The following SLC24A3 variants were observed in gnomAD, a reference collection of about 807,000 sequenced individuals.
SLC24A3 encodes sodium/potassium/calcium exchanger 3.
Under a neutral mutation model 75.8 loss-of-function variants are expected in SLC24A3, and 28 were observed. The ratio of observed to expected loss-of-function variants is 0.37; its 90% CI spans 0.27 to 0.51. The LOEUF (loss-of-function observed/expected upper bound fraction) is 0.51, where lower values mean the gene tolerates loss of function less well. Among genes scored for constraint, SLC24A3 ranks in the 20% least tolerant of loss-of-function variants. The probability of loss-of-function intolerance (pLI) is 0.94; values close to 1 mark genes in which losing one functional copy is unlikely to be tolerated. For missense variants in SLC24A3, 663 were observed against 847.8 expected (o/e 0.78, Z 2.71); for synonymous variants, 372 against 334.1 (o/e 1.11, Z -1.24).
chr20:19,699,574 T>A (rs1347998824), intron 15 of SLC24A3, among the ~76,000 whole-genome samples: 1 of 152,224 alleles, frequency 6.6e-6, no homozygotes, highest in East Asian at 1.9e-4. Context: ...GGGAATTATT[T>A]TGGGCATCCT....
intron 2 of SLC24A3, among the ~76,000 whole-genome samples, chr20:19,309,503 C>A (rs6075496): frequency 6.6e-6 from 1 of 152,194 alleles, no homozygotes; most frequent in South Asian, 2.1e-4. Context: ...CCACCCAAAC[C>A]TACCAGACCT....
At chr20:19,570,184 A>G (rs2122620952) in intron 3 of SLC24A3, among the ~76,000 whole-genome samples, 1 of 152,242 alleles carries the variant, frequency 6.6e-6, no homozygotes, top group Non-Finnish European at 1.5e-5. Flanking sequence ...GCACATCTTC[A>G]CATGGCCAGG....
chr20:19,375,628 ATGT>A (rs1986071503), intron 2 of SLC24A3, among the ~76,000 whole-genome samples: 1 of 152,172 alleles, frequency 6.6e-6, no homozygotes, highest in Admixed American at 6.5e-5. Flanking sequence ...TCCATGACAG[ATGT>A]TGTAAATCTT....
intron 6 of SLC24A3, among the ~76,000 whole-genome samples, chr20:19,624,921 T>C (rs1423974156): frequency 6.6e-6 from 1 of 152,180 alleles, no homozygotes; most frequent in Non-Finnish European, 1.5e-5. Context: ...TAGCTCATAA[T>C]TTTTCGGGTC....
intron 3 of SLC24A3, among the ~76,000 whole-genome samples, chr20:19,517,778 C>T (rs1447910521): frequency 6.6e-6 from 1 of 152,208 alleles, no homozygotes; most frequent in East Asian, 1.9e-4. Flanking sequence ...CTCCCTGGCT[C>T]CTCTTCTTGT....
At chr20:19,578,768 T>A (rs2031177811) in intron 3 of SLC24A3, among the ~76,000 whole-genome samples, 1 of 152,108 alleles carries the variant, frequency 6.6e-6, no homozygotes, top group African/African-American at 2.4e-5. Flanking sequence ...AACAGAGACA[T>A]TCTAAATCAA....
intron 2 of SLC24A3, among the ~76,000 whole-genome samples, chr20:19,328,379 T>C (rs1393809230): frequency 6.6e-6 from 1 of 152,006 alleles, no homozygotes; most frequent in African/African-American, 2.4e-5. Context: ...ACCAGAATGT[T>C]GGATTGATAA....
chr20:19,296,558 A>C (rs554522781), intron 2 of SLC24A3, among the ~76,000 whole-genome samples: 2 of 152,258 alleles, frequency 1.3e-5, no homozygotes, highest in Admixed American at 6.5e-5. Context: ...AACTGTCCTA[A>C]ATACATATGC....
chr20:19,219,238 C>T (rs548343213), intron 1 of SLC24A3, among the ~76,000 whole-genome samples: 5 of 152,190 alleles, frequency 3.3e-5, no homozygotes, highest in South Asian at 2.1e-4. Flanking sequence ...TTGCTAGTCC[C>T]GGACGGCCCA....
intron 9 of SLC24A3, among the ~76,000 whole-genome samples, chr20:19,675,217 C>T (rs986774248): frequency 2.0e-5 from 3 of 152,150 alleles, no homozygotes; most frequent in Admixed American, 6.5e-5. Context: ...TGCCCAACCC[C>T]GTGGGAGCTG....
chr20:19,560,958 A>G (rs544455805), intron 3 of SLC24A3, among the ~76,000 whole-genome samples: 1 of 152,272 alleles, frequency 6.6e-6, no homozygotes, highest in East Asian at 1.9e-4. Context: ...GTGGATGAGG[A>G]GGAGGGTTGT....
chr20:19,623,119 GT>G (rs1316110726), intron 6 of SLC24A3, among the ~76,000 whole-genome samples: 1 of 152,096 alleles, frequency 6.6e-6, no homozygotes, highest in Non-Finnish European at 1.5e-5. Flanking sequence ...AGTTCTAACT[GT>G]TTTTTGTTTT....
intron 6 of SLC24A3, among the ~76,000 whole-genome samples, chr20:19,590,453 C>A (rs1483176265): frequency 2.0e-5 from 3 of 152,016 alleles, no homozygotes; most frequent in African/African-American, 7.3e-5. Flanking sequence ...ACAGGGGAGG[C>A]CAAAAACCAC....
chr20:19,380,856 C>T (rs187984572), intron 2 of SLC24A3, among the ~76,000 whole-genome samples: 1 of 152,304 alleles, frequency 6.6e-6, no homozygotes, highest in African/African-American at 2.4e-5. Flanking sequence ...CCTAGTTTAT[C>T]CTTTGACATC....
At chr20:19,385,410 G>T (rs1028228195) in intron 2 of SLC24A3, among the ~76,000 whole-genome samples, 7 of 152,150 alleles carry the variant, frequency 4.6e-5, no homozygotes, top group African/African-American at 1.7e-4. Context: ...TTTCCCCGTT[G>T]TGTGTTCTTG....
At chr20:19,715,610 G>A (rs1317425963) in intron 15 of SLC24A3, among the ~76,000 whole-genome samples, 1 of 152,126 alleles carries the variant, frequency 6.6e-6, no homozygotes, top group African/African-American at 2.4e-5. Flanking sequence ...GAAAGGGTTG[G>A]CTGTTTAGGG....
intron 2 of SLC24A3, among the ~76,000 whole-genome samples, chr20:19,396,248 G>A (rs1233274087): frequency 6.6e-6 from 1 of 152,062 alleles, no homozygotes; most frequent in Non-Finnish European, 1.5e-5. Flanking sequence ...AGTATACAAG[G>A]TTTATTAATC....
At chr20:19,291,324 TG>T (rs976821729) in intron 2 of SLC24A3, among the ~76,000 whole-genome samples, 2 of 152,082 alleles carry the variant, frequency 1.3e-5, no homozygotes, top group Admixed American at 6.6e-5. Context: ...CCATGAACAA[TG>T]GGGGTGGCCT....
At chr20:19,312,385 A>G (rs1422156956) in intron 2 of SLC24A3, among the ~76,000 whole-genome samples, 13 of 152,208 alleles carry the variant, frequency 8.5e-5, no homozygotes. Context: ...TTATATTTAT[A>G]TAGTTGATTT....
Sources: allele counts gnomAD v4.1 joint callset (sites outside exome capture counted in the v4.1 genomes callset), GRCh38; gene constraint gnomAD v4.1.1; transcripts MANE v1.5; gene names NCBI Gene and HGNC (gene_info 2026-07-23, HGNC 2026-07-21).